Variants in TXN observed in about 807,000 individuals in gnomAD.
The protein encoded by TXN is ADF.
Under a neutral mutation model 16.5 loss-of-function variants are expected in TXN, and 10 were observed. The ratio of observed to expected loss-of-function variants is 0.61; its 90% confidence interval spans 0.37 to 1.03. The LOEUF (loss-of-function observed/expected upper bound fraction) is 1.03. TXN is among the 50% of genes least tolerant of loss of function. The pLI is 0.01. For missense variants in TXN, 71 were observed against 122.5 expected (o/e 0.58, Z 1.98); for synonymous variants, 35 against 39.4 (o/e 0.89, Z 0.42).
At chr9:110,245,952 C>G (rs1357033418) in intron 3 of TXN, among the ~76,000 whole-genome samples, 1 of 151,974 alleles carries the variant, frequency 6.6e-6, no homozygotes, top group African/African-American at 2.4e-5. Flanking sequence ...GTCATCCCAG[C>G]TACTCAGGAG....
rs557232947 is a variant in TXN at position 110,256,060 on chromosome 9, C to T, written c.24+352G>A. Reference sequence around the variant, plus strand: ...GGACGGGAGGGTGCAGGAGGCGCAGCGTGGGGACTCCTCACGCTGTCTGCG... The same window carrying T: ...GGACGGGAGGGTGCAGGAGGCGCAGTGTGGGGACTCCTCACGCTGTCTGCG... On this transcript the variant is annotated intron_variant, in intron 1 of 4. Transcript: ENST00000374517. The surrounding 1 kb of genome is among the most constrained non-coding windows in gnomAD (Gnocchi z 4.2). 1.7e-4 allele frequency among the ~76,000 whole-genome samples: 26 copies of T among 152,306 alleles called. No individual in the cohort carries two copies. The South Asian group carries it at 2.1e-3, about 12-fold the overall frequency.
intron 1 of TXN, among the ~76,000 whole-genome samples, chr9:110,254,113 A>G (rs1350506715): frequency 1.3e-5 from 2 of 150,132 alleles, no homozygotes; most frequent in Non-Finnish European, 3.0e-5. Flanking sequence ...TCTCTGAAAT[A>G]GATCCCAGTT....
intron 3 of TXN, among the ~76,000 whole-genome samples, chr9:110,245,602 T>TACAC (rs1554766611): frequency 1.3e-4 from 8 of 62,498 alleles, no homozygotes; most frequent in Admixed American, 2.8e-4. Flanking sequence ...TGTATATATA[T>TACAC]ACACACACAC....
At chr9:110,245,641 TATATATATATATA>T (rs1188289817) in intron 3 of TXN, among the ~76,000 whole-genome samples, 31 of 32,840 alleles carry the variant, frequency 9.4e-4, no homozygotes, top group African/African-American at 3.1e-3. Context: ...TATATATATA[TATATATATATATA>T]TTTTTTTTTT....
chr9:110,253,597 G>A (rs1289991703), intron 1 of TXN, among the ~76,000 whole-genome samples: 7 of 152,056 alleles, frequency 4.6e-5, no homozygotes, highest in African/African-American at 1.4e-4. Context: ...CTTTCAAGAG[G>A]GAAGGTATTT....
intron 1 of TXN, among the ~76,000 whole-genome samples, chr9:110,254,831 G>T (rs983496725): frequency 2.0e-5 from 3 of 152,164 alleles, no homozygotes; most frequent in African/African-American, 7.2e-5. Context: ...CAGTGGAGGG[G>T]GTTCTTAGCA....
In TXN at chr9:110,245,618, CTATATATA is replaced by C. The variant is rs1170640168; in HGVS notation, c.190-783_190-776del. Reference sequence around the variant, plus strand: ...GTATATATATACACACACACACACACTATATATATATATATATATATATATATATATAT... The same window carrying C: ...GTATATATATACACACACACACACACTATATATATATATATATATATATAT... On this transcript the variant is annotated intron_variant, in intron 3 of 4. Coordinates refer to ENST00000374517, the MANE Select transcript of TXN (RefSeq NM_003329.4). Among the ~76,000 whole-genome samples, 304 of 30,868 alleles carry C rather than the reference CTATATATA, an allele frequency of 9.8e-3. 11 individuals are homozygous for C. Among genetic ancestry groups the C allele is most frequent in the Non-Finnish European group, 0.011 (212 of 19,474 alleles). The allele number at this position is 30,868 out of a possible 152,430, so 20.3% of individuals were successfully genotyped here. A position where few individuals can be genotyped will look rare whatever the true frequency, so the allele number is the denominator to read the frequency against.
intron 3 of TXN, among the ~76,000 whole-genome samples, chr9:110,247,282 C>A (rs1490793487): frequency 6.7e-6 from 1 of 148,858 alleles, no homozygotes; most frequent in East Asian, 2.0e-4. Context: ...GAGATGGTAC[C>A]ACTGCACTCC....
intron 1 of TXN, among the ~76,000 whole-genome samples, chr9:110,253,775 C>T (rs554859916): frequency 2.2e-4 from 33 of 152,286 alleles, no homozygotes; most frequent in African/African-American, 7.2e-4. Flanking sequence ...TACTTCTAAA[C>T]GGGTATCAGC....
At chr9:110,249,874 G>A (rs1247099419) in intron 3 of TXN, among the ~76,000 whole-genome samples, 1 of 152,202 alleles carries the variant, frequency 6.6e-6, no homozygotes, top group Non-Finnish European at 1.5e-5. Context: ...ATGCTAGTGA[G>A]CCAGGACTGG....
chr9:110,255,377 T>G (rs1837796124), intron 1 of TXN, among the ~76,000 whole-genome samples: 1 of 152,264 alleles, frequency 6.6e-6, no homozygotes, highest in Non-Finnish European at 1.5e-5. Flanking sequence ...AGGCTCTGGG[T>G]TTCCCAGTCT....
rs1486261247 is a variant in TXN, at chr9:110,245,118, T to C, written c.190-275A>G. On this transcript the variant is annotated intron_variant, in intron 3 of 4. Coordinates refer to ENST00000374517, the MANE Select transcript of TXN (RefSeq NM_003329.4). ...TGTTCAGAATGTTACTAGCATCAGA[T>C]ACTCCAGCGATCCAATATGCTCTTT... 1.1e-5 allele frequency: 3 copies of C among 280,108 alleles called. No individual in the cohort carries two copies. In the Admixed American group the frequency reaches 1.3e-4, roughly 12 times the overall value. The allele number at this position is 280,108 out of a possible 1,614,324, so 17.4% of individuals were successfully genotyped here.
intron 3 of TXN, 65 bp downstream of exon 3, chr9:110,250,755 G>A (rs1460635980): frequency 5.0e-6 from 6 of 1,195,340 alleles, no homozygotes; most frequent in Non-Finnish European, 6.1e-6. Context: ...AAAAAGCACT[G>A]TGCAATTCAG....
chr9:110,251,961 C>G (rs1837744026), intron 1 of TXN, among the ~76,000 whole-genome samples: 1 of 152,072 alleles, frequency 6.6e-6, no homozygotes, highest in South Asian at 2.1e-4. Context: ...CATGGTGGCT[C>G]ACACCTGTAA....
At chr9:110,249,436 G>A (rs907594862) in intron 3 of TXN, among the ~76,000 whole-genome samples, 7 of 152,058 alleles carry the variant, frequency 4.6e-5, no homozygotes, top group African/African-American at 1.2e-4. Context: ...GGCAACCAAC[G>A]TGAATTAAGA....
At chr9:110,245,867 C>G (rs917163567) in intron 3 of TXN, among the ~76,000 whole-genome samples, 1 of 151,242 alleles carries the variant, frequency 6.6e-6, no homozygotes, top group African/African-American at 2.4e-5. Flanking sequence ...GAGTTCGAGA[C>G]TAGCCTGGCT....
intron 3 of TXN, among the ~76,000 whole-genome samples, chr9:110,246,822 T>C (rs530966705): frequency 6.6e-6 from 1 of 152,324 alleles, no homozygotes; most frequent in South Asian, 2.1e-4. Flanking sequence ...TGAATGTTTA[T>C]TGAATGCATA....
At chr9:110,247,900 G>A (rs1837678608) in intron 3 of TXN, among the ~76,000 whole-genome samples, 1 of 152,168 alleles carries the variant, frequency 6.6e-6, no homozygotes, top group Non-Finnish European at 1.5e-5. Flanking sequence ...GCATGTTACT[G>A]TCCCTGAAGA....
chr9:110,250,216 C>T (rs1837713301), intron 3 of TXN, among the ~76,000 whole-genome samples: 1 of 152,202 alleles, frequency 6.6e-6, no homozygotes, highest in Non-Finnish European at 1.5e-5. Flanking sequence ...GATAACAGCA[C>T]TCAGGATTAA....
Sources: gnomAD v4.1 joint callset for allele counts (sites outside exome capture counted in the v4.1 genomes callset) on GRCh38, gnomAD v4.1.1 for gene constraint, Gnocchi (gnomAD v3.1) non-coding constraint, MANE v1.5 for transcripts, NCBI Gene and HGNC (gene_info 2026-07-23, HGNC 2026-07-21) for gene names.